SCN11A: variants seen among roughly 807,000 people sequenced by gnomAD.
SCN11A encodes the protein sodium channel protein type 11 subunit alpha.
Under a neutral mutation model 162.2 loss-of-function variants are expected in SCN11A, and 122 were observed. The ratio of observed to expected loss-of-function variants is 0.75; its 90% CI spans 0.65 to 0.87. The LOEUF (loss-of-function observed/expected upper bound fraction) is 0.87, where lower values mean the gene tolerates loss of function less well. SCN11A is among the 40% of genes least tolerant of loss of function. The pLI is 0.00. For synonymous variants in SCN11A, 758 were observed against 751.5 expected (o/e 1.01, Z -0.14); for missense variants, 2,015 against 2,181.6 (o/e 0.92, Z 1.52).
intron 14 of SCN11A, 66 bp downstream of exon 14, chr3:38,907,879 TTTGA>T (rs1257762858): frequency 1.5e-6 from 2 of 1,321,356 alleles, no homozygotes; most frequent in African/African-American, 1.5e-5. Context: ...ATTATTTCAA[TTTGA>T]TTGGCAATTG....
chr3:38,903,945 T>C lies in SCN11A; in HGVS notation c.1762A>G (p.Ile588Val). ...ATGGCCAAGAAGACAGTGTTGATGATGATGCAGATGGTGATGGCCAGCTCA... is the reference window on the plus strand; with the variant it reads ...ATGGCCAAGAAGACAGTGTTGATGACGATGCAGATGGTGATGGCCAGCTCA... ...FTELAITICI[I>V]INTVFLAMEH... The change falls in exon 16 of 30, where the codon ATC becomes GTC. Residue 588 changes from isoleucine (I) to valine (V), a missense_variant. Coordinates refer to ENST00000302328, the MANE Select transcript of SCN11A (RefSeq NM_001349253.2). 6.2e-7 allele frequency: 1 copy of C among 1,614,134 alleles called. No homozygotes were observed. The highest frequency in any genetic ancestry group is 1.7e-5 in the Admixed American group (1 of 60,016).
chr3:39,038,339 C>G (rs1047990003), intron 1 of SCN11A, among the ~76,000 whole-genome samples: 20 of 152,178 alleles, frequency 1.3e-4, no homozygotes, highest in South Asian at 4.1e-4. Flanking sequence ...AAGTGAGTAA[C>G]TATCCTCATT....
chr3:38,981,338 G>A lies in SCN11A; in HGVS notation c.-279-20915C>T, dbSNP rs569832432. Among the ~76,000 whole-genome samples the A allele has an allele frequency of 4.6e-5, 7 of 152,238 alleles. No homozygotes were observed. In the East Asian group the frequency reaches 1.4e-3, roughly 29 times the overall value. Reference sequence around the variant, plus strand: ...GGAGAAATTCAGAGTGCCTTCTTTTGTACTTTAATTACATTTCCAAGTAAT... The same window carrying A: ...GGAGAAATTCAGAGTGCCTTCTTTTATACTTTAATTACATTTCCAAGTAAT... On this transcript the variant is annotated intron_variant, in intron 2 of 29. Transcript: ENST00000302328.
In SCN11A at chr3:39,049,464, A is replaced by G. The variant is rs182941926; in HGVS notation, c.-404+2397T>C. Among the ~76,000 whole-genome samples, 22 of 152,332 alleles carry G rather than the reference A, an allele frequency of 1.4e-4. No homozygotes were observed. The East Asian group carries it at 4.2e-3, about 29-fold the overall frequency. On this transcript the variant is annotated intron_variant, in intron 1 of 29. Transcript: ENST00000302328. ...CAGTGAGCAGGGAAAGCAAATCTCA[A>G]TCTAGAATAAACATATTTTAGAGAG...
At chr3:38,907,741 A>T (rs540032623) in intron 14 of SCN11A, among the ~76,000 whole-genome samples, 1 of 152,346 alleles carries the variant, frequency 6.6e-6, no homozygotes, top group African/African-American at 2.4e-5. Flanking sequence ...CCCAGTGCCA[A>T]GAAGATAGTA....
rs1180284619 is a variant in SCN11A at position 38,960,301 on chromosome 3, G to A, written c.-157C>T. 6.6e-6 allele frequency among the ~76,000 whole-genome samples: 1 copy of A among 152,174 alleles called. No individual in the cohort carries two copies. Among genetic ancestry groups the A allele is most frequent in the Non-Finnish European group, 1.5e-5 (1 of 68,036 alleles). On this transcript the variant is annotated 5_prime_UTR_variant, in exon 3 of 30. Coordinates refer to ENST00000302328, the MANE Select transcript of SCN11A (RefSeq NM_001349253.2). The stretch of plus-strand genomic sequence containing the variant: ...GACTTACCTGACTTCTTGGTAAGGT[G>A]GCTCCAGACAGCAATCCCAGCGATA...
chr3:38,924,843 CCT>C (rs2066112717), intron 9 of SCN11A, among the ~76,000 whole-genome samples: 1 of 151,894 alleles, frequency 6.6e-6, no homozygotes, highest in African/African-American at 2.4e-5. Context: ...CTCTACCTGG[CCT>C]CTCACCCTCT....
In SCN11A at chr3:39,030,069, T is replaced by C. The variant is rs116704264; in HGVS notation, c.-280+2311A>G. On this transcript the variant is annotated intron_variant, in intron 2 of 29. Transcript: ENST00000302328. Reference sequence around the variant, plus strand: ...CAAGAGTGGTTTATATTCCTGGGCATAAGGCAGAAACTGCTTAAAGATCAT... The same window carrying C: ...CAAGAGTGGTTTATATTCCTGGGCACAAGGCAGAAACTGCTTAAAGATCAT... Among the ~76,000 whole-genome samples, 599 of 152,306 alleles carry C rather than the reference T, an allele frequency of 3.9e-3. 4 individuals are homozygous for C. Among genetic ancestry groups the C allele is most frequent in the African/African-American group, 0.014 (570 of 41,560 alleles).
intron 5 of SCN11A, 151 bp downstream of exon 5, chr3:38,949,945 C>A: frequency 1.7e-6 from 1 of 605,990 alleles, no homozygotes; most frequent in Non-Finnish European, 2.9e-6. Flanking sequence ...TCAGGACTAT[C>A]AAGGCAATGC....
rs1363418087 is a variant in SCN11A, at chr3:38,846,403, C to A, written c.*291G>T. The A allele has an allele frequency of 9.1e-6, 3 of 330,918 alleles. No individual in the cohort carries two copies. The highest frequency in any genetic ancestry group is 1.7e-5 in the Non-Finnish European group (3 of 177,670). The allele number at this position is 330,918 out of a possible 1,614,324, so 20.5% of individuals were successfully genotyped here. On this transcript the variant is annotated 3_prime_UTR_variant, in exon 30 of 30. Transcript: ENST00000302328. ...CTGGGATTACAGGCATGAGCCACTG[C>A]GCCCGGCCTGAACTATTTCAATCCT... is the stretch of plus-strand genomic sequence containing the variant.
chr3:38,935,854 C>A (rs1339209662), intron 7 of SCN11A, among the ~76,000 whole-genome samples: 1 of 152,198 alleles, frequency 6.6e-6, no homozygotes, highest in Non-Finnish European at 1.5e-5. Flanking sequence ...AGGGACTCCT[C>A]CCTAACTCAT....
intron 28 of SCN11A, among the ~76,000 whole-genome samples, chr3:38,859,660 G>C (rs2064930893): frequency 6.6e-6 from 1 of 152,152 alleles, no homozygotes; most frequent in Non-Finnish European, 1.5e-5. Context: ...AATTATGATA[G>C]TGAAAGAAAT....
At position 38,977,158 on chromosome 3, in the gene SCN11A, G is replaced by A. The variant is rs76176030; in HGVS notation, c.-279-16735C>T. ...AACAAAAAGAAATTACTGTTGCTGA[G>A]TAGGTTGTGATCACTCAAAAAGGAG... On this transcript the variant is annotated intron_variant, in intron 2 of 29. Transcript: ENST00000302328. Among the ~76,000 whole-genome samples the A allele has an allele frequency of 4.1e-3, 626 of 152,292 alleles. 9 individuals are homozygous for A. Among genetic ancestry groups the A allele is most frequent in the African/African-American group, 0.014 (595 of 41,550 alleles).
In SCN11A at chr3:38,903,307, C is replaced by T. The variant is rs192598294; in HGVS notation, c.1842+558G>A. On this transcript the variant is annotated intron_variant, in intron 16 of 29. Coordinates refer to ENST00000302328, the MANE Select transcript of SCN11A (RefSeq NM_001349253.2). Reference sequence around the variant, plus strand: ...GAAAAGTCTGCTCCCCTTAGTTTTCCCAATTTAACTGAGACTAGATCTATC... The same window carrying T: ...GAAAAGTCTGCTCCCCTTAGTTTTCTCAATTTAACTGAGACTAGATCTATC... Among the ~76,000 whole-genome samples the T allele has an allele frequency of 8.9e-4, 136 of 152,180 alleles. 1 individual carries two copies. Among genetic ancestry groups the T allele is most frequent in the African/African-American group, 3.2e-3 (134 of 41,514 alleles).
chr3:39,028,268 A>G (rs1040196912), intron 2 of SCN11A, among the ~76,000 whole-genome samples: 3 of 152,212 alleles, frequency 2.0e-5, no homozygotes, highest in Admixed American at 6.5e-5. Context: ...TTCAGATCAC[A>G]GCATACATCC....
At chr3:38,923,111 G>A (rs938409454) in intron 9 of SCN11A, among the ~76,000 whole-genome samples, 2 of 152,094 alleles carry the variant, frequency 1.3e-5, no homozygotes, top group African/African-American at 2.4e-5. Context: ...ATCCTGATCC[G>A]AAGGGCTAAC....
chr3:38,929,789 G>A (rs999647747), intron 7 of SCN11A, among the ~76,000 whole-genome samples: 2 of 152,080 alleles, frequency 1.3e-5, no homozygotes, highest in African/African-American at 4.8e-5. Flanking sequence ...CTGATAAAAG[G>A]TGAGTTCAGG....
chr3:38,907,859 G>T, intron 14 of SCN11A, 90 bp downstream of exon 14: 1 of 1,131,732 alleles, frequency 8.8e-7, no homozygotes, highest in Non-Finnish European at 1.3e-6. Context: ...ATGAGTAACT[G>T]AATAAATGAA....
rs545360453 is a variant in SCN11A at position 38,945,484 on chromosome 3, C to T, written c.415G>A (p.Val139Ile). Reference sequence around the variant, plus strand: ...GCCATGAACACGCAGTTGATGATAACGGTGCCGATAATGAACATGCTGAAC... The same window carrying T: ...GCCATGAACACGCAGTTGATGATAATGGTGCCGATAATGAACATGCTGAAC... ...SLFSMFIIGT[V>I]IINCVFMATG... Residue 139 changes from valine to isoleucine, a missense_variant, in exon 7 of 30, where the codon GTT (valine) becomes ATT (isoleucine). By Grantham distance (29) the Val-to-Ile change is conservative. Coordinates refer to ENST00000302328, the MANE Select transcript of SCN11A (RefSeq NM_001349253.2). The T allele has an allele frequency of 1.4e-5, 23 of 1,587,584 alleles. No homozygotes were observed. Among genetic ancestry groups the T allele is most frequent in the Non-Finnish European group, 2.0e-5 (23 of 1,161,654 alleles).
Sources: gnomAD v4.1 joint callset for allele counts (sites outside exome capture counted in the v4.1 genomes callset) on GRCh38, gnomAD v4.1.1 for gene constraint, MANE v1.5 for transcripts, NCBI Gene and HGNC (gene_info 2026-07-23, HGNC 2026-07-21) for gene names.